Variants in ROBO2 observed in about 807,000 individuals in gnomAD.
ROBO2 encodes roundabout guidance receptor 2, also known as roundabout homolog 2.
A neutral mutation model predicts 160.8 loss-of-function variants in ROBO2; 53 were observed. The ratio of observed to expected loss-of-function variants is 0.33; its 90% CI spans 0.26 to 0.41. The LOEUF (loss-of-function observed/expected upper bound fraction) is 0.41, where lower values mean the gene tolerates loss of function less well. Among genes scored for constraint, ROBO2 ranks in the 10% least tolerant of loss-of-function variants. ROBO2 has a pLI of 1.00. For missense variants in ROBO2, 1,577 were observed against 1,722.4 expected, an observed-to-expected ratio of 0.92 and a Z score of 1.49; for synonymous variants, 664 against 611.7, an observed-to-expected ratio of 1.09 and a Z score of -1.26.
At chr3:76,260,038 G>A (rs1439914432) in intron 2 of ROBO2, among the ~76,000 whole-genome samples, 1 of 152,076 alleles carries the variant, frequency 6.6e-6, no homozygotes, top group African/African-American at 2.4e-5. Flanking sequence ...AAATGACAAG[G>A]TTATTCTGGA....
intron 2 of ROBO2, among the ~76,000 whole-genome samples, chr3:77,147,746 T>C (rs2077228604): frequency 6.6e-6 from 1 of 152,204 alleles, no homozygotes; most frequent in East Asian, 1.9e-4. Flanking sequence ...GCCAAGAATT[T>C]GTGCAAAAGT....
intron 2 of ROBO2, among the ~76,000 whole-genome samples, chr3:76,563,973 A>T (rs1173971793): frequency 6.6e-6 from 1 of 152,250 alleles, no homozygotes; most frequent in Non-Finnish European, 1.5e-5. Flanking sequence ...TGAGAGGCCA[A>T]GGTGGGTGGA....
At chr3:76,711,853 G>A (rs1236916692) in intron 2 of ROBO2, among the ~76,000 whole-genome samples, 1 of 152,090 alleles carries the variant, frequency 6.6e-6, no homozygotes, top group Non-Finnish European at 1.5e-5. Flanking sequence ...CTTCCTGGGA[G>A]CCACGTTTTA....
chr3:77,191,569 TTGGAGTTTTTTAAAC>T (rs146124788), intron 2 of ROBO2, among the ~76,000 whole-genome samples: 29,805 of 152,192 alleles, frequency 0.2, 3,363 homozygotes, highest in Middle Eastern at 0.31. Context: ...TTCAAGGCAC[TTGGAGTTTTTTAAAC>T]GTGGATATTG....
chr3:77,371,816 G>C (rs937799697), intron 2 of ROBO2, among the ~76,000 whole-genome samples: 1 of 152,124 alleles, frequency 6.6e-6, no homozygotes, highest in Non-Finnish European at 1.5e-5. Context: ...ATGTGTTACC[G>C]TTAAACACTT....
chr3:75,932,084 C>T (rs1947568963), intron 1 of ROBO2, among the ~76,000 whole-genome samples: 1 of 152,038 alleles, frequency 6.6e-6, no homozygotes, highest in East Asian at 1.9e-4. Flanking sequence ...TCTGGCTTAA[C>T]TTTGAGTTCA....
intron 2 of ROBO2, among the ~76,000 whole-genome samples, chr3:76,215,348 A>T (rs1365165631): frequency 6.6e-6 from 1 of 152,184 alleles, no homozygotes; most frequent in Admixed American, 6.5e-5. Context: ...AGGCTTCAGA[A>T]GATCAAACTA....
At chr3:76,719,218 A>G (rs2107692384) in intron 2 of ROBO2, among the ~76,000 whole-genome samples, 1 of 152,340 alleles carries the variant, frequency 6.6e-6, no homozygotes, top group South Asian at 2.1e-4. Flanking sequence ...AGAAAATACT[A>G]ATTTGCTGCT....
intron 2 of ROBO2, among the ~76,000 whole-genome samples, chr3:76,063,366 A>G (rs2068131305): frequency 6.9e-6 from 1 of 144,530 alleles, no homozygotes; most frequent in African/African-American, 2.6e-5. Context: ...TTTTTGAGAC[A>G]GAGTCTCACT....
At chr3:76,643,962 A>T (rs571603837) in intron 2 of ROBO2, among the ~76,000 whole-genome samples, 1 of 152,350 alleles carries the variant, frequency 6.6e-6, no homozygotes, top group African/African-American at 2.4e-5. Flanking sequence ...ATAATGAATT[A>T]GATGTCCTAC....
intron 2 of ROBO2, among the ~76,000 whole-genome samples, chr3:76,761,254 G>C (rs1395313854): frequency 6.6e-6 from 1 of 151,614 alleles, no homozygotes; most frequent in Non-Finnish European, 1.5e-5. Context: ...AAACCTTAGA[G>C]AAAAAAATAA....
chr3:76,921,123 T>C (rs1337015868), intron 2 of ROBO2, among the ~76,000 whole-genome samples: 1 of 152,210 alleles, frequency 6.6e-6, no homozygotes, highest in Non-Finnish European at 1.5e-5. Context: ...TTTAGGAGAA[T>C]GCTTGGCTGC....
chr3:77,242,585 A>G (rs578255188), intron 2 of ROBO2, among the ~76,000 whole-genome samples: 2 of 152,152 alleles, frequency 1.3e-5, no homozygotes, highest in Non-Finnish European at 2.9e-5. Flanking sequence ...ACCAACAGTG[A>G]CACGACTTGT....
At chr3:76,101,149 A>G (rs1157166599) in intron 2 of ROBO2, among the ~76,000 whole-genome samples, 1 of 152,176 alleles carries the variant, frequency 6.6e-6, no homozygotes, top group East Asian at 1.9e-4. Context: ...CACAGAGTTA[A>G]TATTAATTTG....
intron 2 of ROBO2, among the ~76,000 whole-genome samples, chr3:76,151,315 T>G (rs2072190739): frequency 6.6e-6 from 1 of 152,102 alleles, no homozygotes; most frequent in Admixed American, 6.5e-5. Context: ...TGTCCCTTGT[T>G]TTTTCTTTCC....
intron 2 of ROBO2, among the ~76,000 whole-genome samples, chr3:77,308,482 G>T (rs1051120752): frequency 2.2e-4 from 33 of 152,212 alleles, no homozygotes; most frequent in Non-Finnish European, 1.8e-4. Flanking sequence ...AGTGACGCTG[G>T]ATATATCCAA....
intron 2 of ROBO2, among the ~76,000 whole-genome samples, chr3:77,187,151 G>C (rs2081360798): frequency 6.6e-6 from 1 of 151,904 alleles, no homozygotes; most frequent in African/African-American, 2.4e-5. Flanking sequence ...GATTAAATAA[G>C]ACATCTATAT....
chr3:76,714,353 G>A (rs771519118), intron 2 of ROBO2, among the ~76,000 whole-genome samples: 22 of 152,200 alleles, frequency 1.4e-4, no homozygotes, highest in Middle Eastern at 6.8e-3. Context: ...CAGCTCAGGC[G>A]TGGACGGGTG....
intron 1 of ROBO2, among the ~76,000 whole-genome samples, chr3:77,071,279 A>G (rs2067383750): frequency 6.6e-6 from 1 of 152,198 alleles, no homozygotes; most frequent in African/African-American, 2.4e-5. Context: ...ACATGTTTCC[A>G]GGCCCGGAAA....
Sources: gnomAD v4.1 joint callset for allele counts (sites outside exome capture counted in the v4.1 genomes callset) on GRCh38, gnomAD v4.1.1 for gene constraint, MANE v1.5 for transcripts, NCBI Gene and HGNC (gene_info 2026-07-23, HGNC 2026-07-21) for gene names.